The following CDH13 variants were observed in gnomAD, a reference collection of about 807,000 sequenced individuals.
CDH13 encodes the protein cadherin-13.
CDH13 carries 24 observed loss-of-function variants against 63.8 expected under a neutral mutation model. The observed-to-expected ratio is 0.38, with a 90% CI of 0.27 to 0.53. The LOEUF (loss-of-function observed/expected upper bound fraction) is 0.53. Ranked by LOEUF, CDH13 falls within the 20% of genes least tolerant of loss-of-function variation. CDH13 has a pLI of 0.85. For missense variants in CDH13, 1,049 were observed against 903.1 expected (o/e 1.16, Z -2.07); for synonymous variants, 503 against 355.3 (o/e 1.42, Z -4.67).
intron 7 of CDH13, among the ~76,000 whole-genome samples, chr16:83,583,776 G>C (rs374710124): frequency 3.3e-5 from 5 of 151,908 alleles, no homozygotes; most frequent in Non-Finnish European, 1.5e-5. Flanking sequence ...AAAAAGCCGG[G>C]CATGGTGGCA....
chr16:82,645,637 C>G (rs1177949014), intron 1 of CDH13, among the ~76,000 whole-genome samples: 2 of 152,136 alleles, frequency 1.3e-5, no homozygotes, highest in African/African-American at 4.8e-5. Context: ...TAGCTTCATA[C>G]TCACCCAGCA....
intron 10 of CDH13, among the ~76,000 whole-genome samples, chr16:83,740,278 G>A (rs137938400): frequency 6.6e-6 from 1 of 152,038 alleles, no homozygotes; most frequent in East Asian, 2.0e-4. Context: ...AGTCATTGGT[G>A]GGTTTTAAGC....
intron 6 of CDH13, among the ~76,000 whole-genome samples, chr16:83,408,788 ATGT>A (rs1239514108): frequency 6.6e-6 from 1 of 152,182 alleles, no homozygotes; most frequent in African/African-American, 2.4e-5. Context: ...GTGGCTGCTC[ATGT>A]TGTCTTATGT....
intron 1 of CDH13, among the ~76,000 whole-genome samples, chr16:82,772,528 G>A (rs1306982961): frequency 1.3e-5 from 2 of 152,186 alleles, no homozygotes; most frequent in African/African-American, 2.4e-5. Flanking sequence ...ACCTGAGGTG[G>A]CCTGGGTATG....
At chr16:83,333,761 A>G (rs545627737) in intron 5 of CDH13, among the ~76,000 whole-genome samples, 5 of 152,308 alleles carry the variant, frequency 3.3e-5, no homozygotes, top group South Asian at 2.1e-4. Flanking sequence ...GCATGATCAC[A>G]TGACCCATTT....
intron 4 of CDH13, among the ~76,000 whole-genome samples, chr16:83,165,368 G>A (rs944609210): frequency 1.4e-4 from 22 of 152,116 alleles, no homozygotes; most frequent in African/African-American, 5.3e-4. Flanking sequence ...AAGATTTGTT[G>A]TAGCAAGAGG....
chr16:83,230,660 G>A (rs768931979), intron 5 of CDH13, among the ~76,000 whole-genome samples: 5 of 152,120 alleles, frequency 3.3e-5, no homozygotes, highest in Non-Finnish European at 5.9e-5. Context: ...GGTGGCAAGC[G>A]CCTGTAGTCC....
intron 10 of CDH13, among the ~76,000 whole-genome samples, chr16:83,722,267 A>G (rs1909796510): frequency 6.6e-6 from 1 of 152,210 alleles, no homozygotes; most frequent in Non-Finnish European, 1.5e-5. Flanking sequence ...GCCTCAAACA[A>G]TGATAGTTAA....
intron 7 of CDH13, among the ~76,000 whole-genome samples, chr16:83,531,800 T>C (rs770682859): frequency 6.6e-6 from 1 of 152,134 alleles, no homozygotes; most frequent in African/African-American, 2.4e-5. Flanking sequence ...TTTAGCACAG[T>C]GAAATGGATT....
intron 2 of CDH13, among the ~76,000 whole-genome samples, chr16:82,994,357 C>T: frequency 6.6e-6 from 1 of 152,192 alleles, no homozygotes; most frequent in Non-Finnish European, 1.5e-5. Context: ...ATGTTGCTCT[C>T]TGATTCAGCA....
At chr16:82,960,088 A>G (rs1295093618) in intron 2 of CDH13, among the ~76,000 whole-genome samples, 2 of 152,210 alleles carry the variant, frequency 1.3e-5, no homozygotes, top group Non-Finnish European at 2.9e-5. Flanking sequence ...CATTCTCTGG[A>G]TGATGGATCA....
intron 5 of CDH13, among the ~76,000 whole-genome samples, chr16:83,327,279 G>C (rs2090386626): frequency 6.6e-6 from 1 of 152,222 alleles, no homozygotes; most frequent in Admixed American, 6.5e-5. Flanking sequence ...ACACTTTTGA[G>C]AGTGACAATA....
chr16:83,065,453 C>T (rs1470075407), intron 3 of CDH13, among the ~76,000 whole-genome samples: 1 of 152,022 alleles, frequency 6.6e-6, no homozygotes, highest in Non-Finnish European at 1.5e-5. Flanking sequence ...GCCTGTAATC[C>T]CAACACTTTG....
chr16:82,927,207 T>C (rs2042332283), intron 2 of CDH13, among the ~76,000 whole-genome samples: 1 of 152,162 alleles, frequency 6.6e-6, no homozygotes, highest in Non-Finnish European at 1.5e-5. Flanking sequence ...ATGAGTGATA[T>C]TTTATGACTG....
chr16:82,743,255 C>G (rs893061152), intron 1 of CDH13, among the ~76,000 whole-genome samples: 2 of 152,182 alleles, frequency 1.3e-5, no homozygotes, highest in African/African-American at 2.4e-5. Context: ...GAGACAGGGT[C>G]TCGCTCTGCT....
intron 4 of CDH13, among the ~76,000 whole-genome samples, chr16:83,211,392 C>A (rs2039333019): frequency 6.6e-6 from 1 of 152,178 alleles, no homozygotes; most frequent in Admixed American, 6.5e-5. Context: ...CACATATACA[C>A]ATACAAACCT....
chr16:82,627,764 T>C (rs1024618425), intron 1 of CDH13, among the ~76,000 whole-genome samples: 2 of 152,178 alleles, frequency 1.3e-5, no homozygotes, highest in African/African-American at 4.8e-5. Context: ...TCGGGGTCCT[T>C]TTGCTCCCAG....
At chr16:83,333,648 C>A (rs2090524635) in intron 5 of CDH13, among the ~76,000 whole-genome samples, 1 of 152,090 alleles carries the variant, frequency 6.6e-6, no homozygotes, top group Non-Finnish European at 1.5e-5. Flanking sequence ...GCTCATTTAT[C>A]TTTTTATTTA....
intron 3 of CDH13, among the ~76,000 whole-genome samples, chr16:83,098,124 A>G (rs1029225630): frequency 3.3e-5 from 5 of 152,342 alleles, no homozygotes; most frequent in Admixed American, 3.3e-4. Context: ...ATAATCTTTG[A>G]GACCAAACAG....
Sources: gnomAD v4.1 joint callset for allele counts (sites outside exome capture counted in the v4.1 genomes callset) on GRCh38, gnomAD v4.1.1 for gene constraint, MANE v1.5 for transcripts, NCBI Gene and HGNC (gene_info 2026-07-23, HGNC 2026-07-21) for gene names.